The following INTS6 variants were observed in gnomAD, a reference collection of about 807,000 sequenced individuals.
INTS6 encodes the protein DEAD box protein.
In INTS6, 16 loss-of-function variants were observed where a neutral mutation model predicts 104.9. The observed-to-expected ratio is 0.15, with a 90% CI of 0.10 to 0.23. The LOEUF is 0.23. INTS6 is among the 10% of genes least tolerant of loss of function. The pLI is 1.00. For synonymous variants in INTS6, 324 were observed against 358.7 expected (o/e 0.90, Z 1.09); for missense variants, 584 against 1,062.8 (o/e 0.55, Z 6.26).
At chr13:51,436,027 C>T (rs962856388) in intron 3 of INTS6, among the ~76,000 whole-genome samples, 6 of 151,954 alleles carry the variant, frequency 3.9e-5, no homozygotes, top group Non-Finnish European at 7.4e-5. Flanking sequence ...TTGTTAAAAT[C>T]TCAGGTAGTG....
chr13:51,397,842 CACAA>C (rs1488736173), intron 4 of INTS6, among the ~76,000 whole-genome samples: 2 of 152,126 alleles, frequency 1.3e-5, no homozygotes, highest in South Asian at 2.1e-4. Context: ...CATGCACACA[CACAA>C]ACTAATCATG....
chr13:51,429,707 T>A (rs1957050048), intron 4 of INTS6, among the ~76,000 whole-genome samples: 1 of 130,666 alleles, frequency 7.7e-6, no homozygotes, highest in East Asian at 2.3e-4. Context: ...GAGGCTGCAG[T>A]GAGCCAAGAT....
intron 4 of INTS6, among the ~76,000 whole-genome samples, chr13:51,397,012 CAGTTT>C (rs1418983955): frequency 6.6e-6 from 1 of 152,130 alleles, no homozygotes; most frequent in Non-Finnish European, 1.5e-5. Flanking sequence ...AATCAAGACT[CAGTTT>C]AGGGCTTTTT....
At position 51,387,548 on chromosome 13, in the gene INTS6, A is replaced by G; in HGVS notation, c.740-8T>C. ...ATATATCTGGCTGCCCATCTATAGCAAAGAAATTAAGACAAAGAAAGCATA... is the reference window on the plus strand; with the variant it reads ...ATATATCTGGCTGCCCATCTATAGCGAAGAAATTAAGACAAAGAAAGCATA... On this transcript the variant is annotated splice_region_variant and splice_polypyrimidine_tract_variant and intron_variant, in intron 6 of 17. Transcript: ENST00000311234. 6.2e-7 allele frequency: 1 copy of G among 1,601,092 alleles called. No homozygotes were observed. The highest frequency in any genetic ancestry group is 8.5e-7 in the Non-Finnish European group (1 of 1,173,452).
At position 51,453,002 on chromosome 13, in the gene INTS6, G is replaced by T; in HGVS notation, c.-477C>A. On this transcript the variant is annotated 5_prime_UTR_variant, in exon 1 of 18. Coordinates refer to ENST00000311234, the MANE Select transcript of INTS6 (RefSeq NM_012141.3). ...GGGACTCCCTCCGCACCCCGGCGGTGTCACCACTTTCTCAGCCCCTCTCGC... is the reference window on the plus strand; with the variant it reads ...GGGACTCCCTCCGCACCCCGGCGGTTTCACCACTTTCTCAGCCCCTCTCGC... The T allele has an allele frequency of 2.0e-6, 2 of 1,007,722 alleles. No individual in the cohort carries two copies. Among genetic ancestry groups the T allele is most frequent in the Non-Finnish European group, 2.4e-6 (2 of 843,508 alleles). 62.4% of individuals were successfully genotyped at this position (1,007,722 alleles called of 1,614,324 possible).
At chr13:51,384,310 CCT>C (rs201755071) in intron 7 of INTS6, 2,273 of 191,510 alleles carry the variant, frequency 0.012, 32 homozygotes, top group East Asian at 0.067. Context: ...TTTAGAAACC[CCT>C]GTTCTAGAGG....
intron 13 of INTS6, among the ~76,000 whole-genome samples, chr13:51,375,755 G>A (rs1272662043): frequency 1.3e-5 from 2 of 151,506 alleles, no homozygotes; most frequent in Non-Finnish European, 2.9e-5. Context: ...GTGTGTGTGT[G>A]TGTGTGTGTG....
At position 51,452,711 on chromosome 13, in the gene INTS6, C is replaced by A. The variant is rs1953091125; in HGVS notation, c.-186G>T. On this transcript the variant is annotated 5_prime_UTR_variant, in exon 1 of 18. Coordinates refer to ENST00000311234, the MANE Select transcript of INTS6 (RefSeq NM_012141.3). The surrounding 1 kb of genome is among the most constrained non-coding windows in gnomAD (Gnocchi z 4.2). ...CCCCCGATAGTTGAGAGGAAACTCC[C>A]CAGACCCAGTGCTCCCCGTCGTACC... 7.6e-7 allele frequency: 1 copy of A among 1,323,464 alleles called. No homozygotes were observed. The highest frequency in any genetic ancestry group is 1.6e-5 in the African/African-American group (1 of 63,762). The allele number at this position is 1,323,464 out of a possible 1,614,324, so 82.0% of individuals were successfully genotyped here.
intron 14 of INTS6, 26 bp downstream of exon 14, chr13:51,374,628 T>C (rs762972865): frequency 6.2e-7 from 1 of 1,610,452 alleles, no homozygotes; most frequent in African/African-American, 1.3e-5. Flanking sequence ...ATAAACAAAT[T>C]ACATAATAGA....
At chr13:51,343,769 A>G in the INTS6 span, among the ~76,000 whole-genome samples, 2 of 152,220 alleles carry the variant, frequency 1.3e-5, no homozygotes, top group East Asian at 3.8e-4. Context: ...ATGGATTTAA[A>G]GCCCCGTACA....
At chr13:51,371,631 T>G (rs376430547) in intron 15 of INTS6, among the ~76,000 whole-genome samples, 1 of 151,904 alleles carries the variant, frequency 6.6e-6, no homozygotes, top group Non-Finnish European at 1.5e-5. Context: ...CTCTACAGAG[T>G]GGTCACAATC....
the INTS6 span, among the ~76,000 whole-genome samples, chr13:51,336,050 T>C: frequency 1.3e-5 from 2 of 152,222 alleles, no homozygotes; most frequent in Non-Finnish European, 2.9e-5. Context: ...CAACAACTTA[T>C]GTTAACATAA....
chr13:51,386,581 T>A (rs993310626), intron 7 of INTS6, among the ~76,000 whole-genome samples: 2 of 152,132 alleles, frequency 1.3e-5, no homozygotes, highest in African/African-American at 4.8e-5. Flanking sequence ...AAATAAAAAT[T>A]ATCCTGAAAA....
intron 4 of INTS6, among the ~76,000 whole-genome samples, chr13:51,410,881 C>T (rs1027553200): frequency 1.3e-5 from 2 of 152,012 alleles, no homozygotes; most frequent in Non-Finnish European, 2.9e-5. Context: ...GCCAAGAGGT[C>T]AGGATGCTCA....
At position 51,369,281 on chromosome 13, in the gene INTS6, G is replaced by A; in HGVS notation, c.2134C>T (p.His712Tyr). 1 of 1,610,850 alleles carries A rather than the reference G, an allele frequency of 6.2e-7. No homozygotes were observed. The highest frequency in any genetic ancestry group is 8.5e-7 in the Non-Finnish European group (1 of 1,177,908). ...ISETTNDSII[H>Y]DVVENHVADQ... ...GCAACATGATTTTCAACCACATCATGTATTATCGAATCATTAGTGGTTTCT... is the reference window on the plus strand; with the variant it reads ...GCAACATGATTTTCAACCACATCATATATTATCGAATCATTAGTGGTTTCT... Residue 712 changes from histidine (H) to tyrosine (Y), a missense_variant, in exon 16 of 18, where the codon CAT (histidine) becomes TAT (tyrosine). By Grantham distance (83) the His-to-Tyr change is moderately conservative. Around this residue, in one of 5 missense-constraint regions of INTS6, gnomAD observed 296 missense variants for 437.0 expected, o/e 0.68. Transcript: ENST00000311234.
At chr13:51,393,849 C>T (rs1269108078) in intron 5 of INTS6, among the ~76,000 whole-genome samples, 1 of 152,174 alleles carries the variant, frequency 6.6e-6, no homozygotes, top group Non-Finnish European at 1.5e-5. Context: ...ACACCACTCA[C>T]TTGACTTCAC....
chr13:51,364,381 AAAGCT>A lies in INTS6; in HGVS notation c.*1366_*1370del, dbSNP rs1415479670. On this transcript the variant is annotated 3_prime_UTR_variant, in exon 18 of 18. Coordinates refer to ENST00000311234, the MANE Select transcript of INTS6 (RefSeq NM_012141.3). ...TAAAAAAATGTCTGATAAAGTGTAA[AAAGCT>A]AAGGGTATGTGATTTTCAATATTAT... is the stretch of plus-strand genomic sequence containing the variant. The A allele has an allele frequency of 1.5e-6, 1 of 650,766 alleles. No individual in the cohort carries two copies. The highest frequency in any genetic ancestry group is 2.5e-6 in the Non-Finnish European group (1 of 394,622). The allele number at this position is 650,766 out of a possible 1,614,324, so 40.3% of individuals were successfully genotyped here.
chr13:51,389,326 A>T lies in INTS6; in HGVS notation c.732T>A (p.Pro244=), dbSNP rs753424332. 2 of 1,612,064 alleles carry T rather than the reference A, an allele frequency of 1.2e-6. No homozygotes were observed. Among genetic ancestry groups the T allele is most frequent in the Non-Finnish European group, 1.7e-6 (2 of 1,179,314 alleles). The change falls in exon 6 of 18, where the codon CCT becomes CCA. Residue 244 remains proline (P), a synonymous_variant. Coordinates refer to ENST00000311234, the MANE Select transcript of INTS6 (RefSeq NM_012141.3). The stretch of plus-strand genomic sequence containing the variant: ...AGAAAAGTGCAATAATACCTTCTAC[A>T]GGGGAAGGATCTGGTCCTGCTTTTT... ...NFEKAGPDPS[P]VEDGQPDISR... is the part of the protein sequence containing the mutation.
chr13:51,386,128 T>C (rs1245471990), intron 7 of INTS6, among the ~76,000 whole-genome samples: 2 of 152,148 alleles, frequency 1.3e-5, no homozygotes, highest in Non-Finnish European at 2.9e-5. Flanking sequence ...TTCACTTCCA[T>C]ATTTTTTTTC....
Sources: allele counts gnomAD v4.1 joint callset (sites outside exome capture counted in the v4.1 genomes callset), GRCh38; gene constraint gnomAD v4.1.1; regional missense constraint gnomAD v4.1.1; non-coding constraint Gnocchi (gnomAD v3.1); transcripts MANE v1.5; gene names NCBI Gene and HGNC (gene_info 2026-07-23, HGNC 2026-07-21).